TCFL5: variants seen among roughly 807,000 people sequenced by gnomAD.
TCFL5 encodes transcription factor-like 5 protein.
Under a neutral mutation model 44.3 loss-of-function variants are expected in TCFL5, and 9 were observed. The ratio of observed to expected loss-of-function variants is 0.20; its 90% CI spans 0.12 to 0.35. The LOEUF (loss-of-function observed/expected upper bound fraction) is 0.35, where lower values mean the gene tolerates loss of function less well. Among genes scored for constraint, TCFL5 ranks in the 10% least tolerant of loss-of-function variants. TCFL5 has a pLI of 1.00. For missense variants in TCFL5, 603 were observed against 613.4 expected, an observed-to-expected ratio of 0.98 and a Z score of 0.18; for synonymous variants, 319 against 271.6, an observed-to-expected ratio of 1.17 and a Z score of -1.72.
At chr20:62,843,537 T>C (rs1320091462) in intron 5 of TCFL5, among the ~76,000 whole-genome samples, 1 of 152,186 alleles carries the variant, frequency 6.6e-6, no homozygotes, top group Non-Finnish European at 1.5e-5. Flanking sequence ...AAAATTTCCA[T>C]AAGTTGGTTT....
At chr20:62,846,561 A>G (rs1340515909) in intron 5 of TCFL5, among the ~76,000 whole-genome samples, 1 of 152,208 alleles carries the variant, frequency 6.6e-6, no homozygotes, top group Non-Finnish European at 1.5e-5. Flanking sequence ...TGAGATGACA[A>G]CGTCCCAAAG....
At chr20:62,846,388 G>C (rs900840908) in intron 5 of TCFL5, among the ~76,000 whole-genome samples, 1 of 152,202 alleles carries the variant, frequency 6.6e-6, no homozygotes, top group African/African-American at 2.4e-5. Flanking sequence ...CTGTGAAAGA[G>C]AGGAGCAGAT....
chr20:62,846,657 T>G (rs540857563), intron 5 of TCFL5, among the ~76,000 whole-genome samples: 2 of 150,978 alleles, frequency 1.3e-5, no homozygotes, highest in African/African-American at 4.9e-5. Flanking sequence ...TCCTAGCTAC[T>G]CGGGAGGCTG....
chr20:62,859,647 GT>G, intron 2 of TCFL5, 121 bp from the exon 3 acceptor site: 2 of 865,920 alleles, frequency 2.3e-6, no homozygotes, highest in Non-Finnish European at 3.5e-6. Flanking sequence ...AAGAACTTTA[GT>G]TGCACTGAAG....
In TCFL5 at chr20:62,859,441, T is replaced by G; in HGVS notation, c.917A>C (p.Gln306Pro). Residue 306 changes from glutamine to proline, a missense_variant, in exon 3 of 6, where the codon CAA becomes CCA. By Grantham distance (76) the Gln-to-Pro change is moderately conservative. Around this residue, in one of 4 missense-constraint regions of TCFL5, gnomAD observed 540 missense variants for 478.7 expected, o/e 1.13. Transcript: ENST00000335351. ...CGTCTGTTTAGTGGATTCAATTTCT[T>G]GCTGATAACAGAAAGAAAATGCTCT... ...LPRAFSFCYQ[Q>P]EIESTKQTLG... The G allele has an allele frequency of 6.2e-7, 1 of 1,614,150 alleles. No homozygotes were observed. The highest frequency in any genetic ancestry group is 8.5e-7 in the Non-Finnish European group (1 of 1,180,002).
chr20:62,849,472 C>G lies in TCFL5; in HGVS notation c.1380+4544G>C, dbSNP rs562882339. On this transcript the variant is annotated intron_variant, in intron 5 of 5. Transcript: ENST00000335351. ...ATAGTTAATAACTGTGGGGGGGATT[C>G]TTGTAGCTCAAAGAGCTTGAAAACT... is the stretch of plus-strand genomic sequence containing the variant. 6.4e-4 allele frequency among the ~76,000 whole-genome samples: 97 copies of G among 152,264 alleles called. 1 individual carries two copies. In the South Asian group the frequency reaches 0.019, roughly 30 times the overall value.
chr20:62,853,787 CTCT>C (rs1234014984), intron 5 of TCFL5, among the ~76,000 whole-genome samples: 4 of 152,188 alleles, frequency 2.6e-5, no homozygotes, highest in African/African-American at 9.7e-5. Context: ...TGACAATTGC[CTCT>C]TCACAGTTAT....
At chr20:62,845,123 ATT>A (rs11086140) in intron 5 of TCFL5, 61 of 882,470 alleles carry the variant, frequency 6.9e-5, no homozygotes, top group East Asian at 2.4e-4. Context: ...TTTCTTCCCA[ATT>A]TTTTTTTTTT....
chr20:62,858,871 C>T (rs955398321), intron 3 of TCFL5, among the ~76,000 whole-genome samples: 7 of 151,870 alleles, frequency 4.6e-5, no homozygotes, highest in Admixed American at 4.6e-4. Context: ...GAGGAAGGGA[C>T]TATGCAGGTT....
In TCFL5 at chr20:62,842,131, T is replaced by C; in HGVS notation, c.1381-34A>G. The C allele has an allele frequency of 6.2e-7, 1 of 1,612,580 alleles. No individual in the cohort carries two copies. Among genetic ancestry groups the C allele is most frequent in the Non-Finnish European group, 8.5e-7 (1 of 1,179,098 alleles). On this transcript the variant is annotated intron_variant, in intron 5 of 5. Coordinates refer to ENST00000335351, the MANE Select transcript of TCFL5 (RefSeq NM_006602.4). This position sits in a 1 kb window ranked among gnomAD's most constrained non-coding sequence, Gnocchi z 4.3. ...AAGAAGTGACGGTTAACATACTGAATTAACTGACATGAAAACTGCTGTCTT... is the reference window on the plus strand; with the variant it reads ...AAGAAGTGACGGTTAACATACTGAACTAACTGACATGAAAACTGCTGTCTT...
At chr20:62,843,569 A>G (rs765065941) in intron 5 of TCFL5, among the ~76,000 whole-genome samples, 9 of 152,332 alleles carry the variant, frequency 5.9e-5, no homozygotes, top group Admixed American at 6.5e-5. Flanking sequence ...ATTCTACACG[A>G]TTAAATCCAG....
intron 2 of TCFL5, 23 bp from the exon 3 acceptor site, chr20:62,859,549 G>A (rs2063953007): frequency 6.2e-7 from 1 of 1,600,800 alleles, no homozygotes; most frequent in Non-Finnish European, 8.5e-7. Context: ...GAAGCAACAG[G>A]AATTTTATCA....
chr20:62,859,395 A>G lies in TCFL5; in HGVS notation c.963T>C (p.Val321=), dbSNP rs1370004178. 1 of 1,609,910 alleles carries G rather than the reference A, an allele frequency of 6.2e-7. No homozygotes were observed. The highest frequency in any genetic ancestry group is 1.3e-5 in the African/African-American group (1 of 74,892). The change falls in exon 3 of 6, where the codon GTT becomes GTC. Residue 321 remains valine, a synonymous_variant. Coordinates refer to ENST00000335351, the MANE Select transcript of TCFL5 (RefSeq NM_006602.4). ...CTTTAATCCAAACTTGCTCAGGCAA[A>G]ACTTTGTTTCTACTACCTAACGTCT... The part of the protein sequence containing the change: ...TKQTLGSRNK[V]LPEQVWIKVG...
chr20:62,852,479 ACTC>A, intron 5 of TCFL5: 1 of 985,300 alleles, frequency 1.0e-6, no homozygotes, highest in Non-Finnish European at 1.2e-6. Context: ...GGCTGACTGA[ACTC>A]CTGCATTCAA....
chr20:62,841,918 G>GT lies in TCFL5; in HGVS notation c.*56dup, dbSNP rs58968380. On this transcript the variant is annotated 3_prime_UTR_variant, in exon 6 of 6. Transcript: ENST00000335351. ...GCAGAGCTCCAGGGTTGCAGAAGGC[G>GT]TGCACAGGTCACGAAGGAATGGCTG... The GT allele has an allele frequency of 0.14, 217,749 of 1,606,810 alleles. 17,030 individuals are homozygous for GT. The highest frequency in any genetic ancestry group is 0.32 in the African/African-American group (23,912 of 74,716).
Position 62,860,263 on chromosome 20 carries a change from A to G in TCFL5, c.693T>C (p.Pro231=). The G allele has an allele frequency of 6.2e-7, 1 of 1,613,636 alleles. No homozygotes were observed. Among genetic ancestry groups the G allele is most frequent in the Non-Finnish European group, 8.5e-7 (1 of 1,179,598 alleles). The stretch of plus-strand genomic sequence containing the variant: ...CTGTACATTTGTTTTGTTGCTGAAG[A>G]GGAACATTCATTAGTTCAGATGGAT... The part of the protein sequence containing the change: ...IRHPSELMNV[P]LQQQNKCTAL... The change falls in exon 2 of 6, where the codon CCT becomes CCC. Residue 231 remains proline, a synonymous_variant. Coordinates refer to ENST00000335351, the MANE Select transcript of TCFL5 (RefSeq NM_006602.4).
chr20:62,860,874 CCCCAGA>C (rs2063988844), intron 1 of TCFL5, 144 bp downstream of exon 1: 1 of 602,342 alleles, frequency 1.7e-6, no homozygotes, highest in Admixed American at 6.3e-5. Flanking sequence ...TTCGGGGCGG[CCCCAGA>C]CCCGGTGAGG....
rs1402766072 is a variant in TCFL5, at chr20:62,842,920, G to GGA, written c.1381-825_1381-824dup. 9.2e-5 allele frequency among the ~76,000 whole-genome samples: 14 copies of GGA among 152,290 alleles called. No homozygotes were observed. In the East Asian group the frequency reaches 2.7e-3, roughly 29 times the overall value. On this transcript the variant is annotated intron_variant, in intron 5 of 5. Transcript: ENST00000335351. The surrounding 1 kb of genome is among the most constrained non-coding windows in gnomAD (Gnocchi z 4.3). ...CTCGCTGAGATGGCTCTGTCCTTGG[G>GGA]GAGACCCTGCCAGCAGGGTGGGGGT...
At position 62,845,858 on chromosome 20, in the gene TCFL5, G is replaced by A. The variant is rs748564747; in HGVS notation, c.1381-3761C>T. On this transcript the variant is annotated intron_variant, in intron 5 of 5. Coordinates refer to ENST00000335351, the MANE Select transcript of TCFL5 (RefSeq NM_006602.4). The stretch of plus-strand genomic sequence containing the variant: ...TGATTTATGACAAAGATCAGTTTGC[G>A]TGTGGAGAAACAGTGCCAGTGCCTT... The A allele has an allele frequency of 6.3e-5, 100 of 1,582,268 alleles. 1 individual carries two copies. Among genetic ancestry groups the A allele is most frequent in the South Asian group, 2.6e-4 (23 of 89,434 alleles).
Sources: gnomAD v4.1 joint callset for allele counts (sites outside exome capture counted in the v4.1 genomes callset) on GRCh38, gnomAD v4.1.1 for gene constraint, gnomAD v4.1.1 regional missense constraint, Gnocchi (gnomAD v3.1) non-coding constraint, MANE v1.5 for transcripts, NCBI Gene and HGNC (gene_info 2026-07-23, HGNC 2026-07-21) for gene names.